The following ATAD2B variants were observed in gnomAD, a reference collection of about 807,000 sequenced individuals.
The protein encoded by ATAD2B is ATPase family AAA domain-containing protein 2B.
A neutral mutation model predicts 167.6 loss-of-function variants in ATAD2B; 40 were observed. That is an observed-to-expected ratio of 0.24 (90% confidence interval 0.19 to 0.31). The LOEUF (loss-of-function observed/expected upper bound fraction) is 0.31. Among genes scored for constraint, ATAD2B ranks in the 10% least tolerant of loss-of-function variants. The pLI, the probability that ATAD2B is intolerant of heterozygous loss-of-function variation, is 1.00. For synonymous variants in ATAD2B, 579 were observed against 596.5 expected (o/e 0.97, Z 0.43); for missense variants, 1,242 against 1,757.2 (o/e 0.71, Z 5.24).
the ATAD2B span, chr2:23,707,235 G>T: frequency 6.6e-6 from 1 of 152,252 alleles, no homozygotes; most frequent in African/African-American, 2.4e-5. Context: ...CGGAGCCAGG[G>T]GTGGCAGCTG....
the ATAD2B span, chr2:23,706,751 G>A: frequency 4.2e-6 from 4 of 946,640 alleles, no homozygotes; most frequent in Non-Finnish European, 6.0e-6. Context: ...ACACCAACAA[G>A]AGGCCAACAA....
At chr2:23,701,198 A>G in the ATAD2B span, among the ~76,000 whole-genome samples, 2 of 10,784 alleles carry the variant, frequency 1.9e-4, no homozygotes, top group African/African-American at 2.6e-4. Flanking sequence ...AACTATCTCA[A>G]TGAGCAAACA....
At chr2:23,777,348 A>ATGTATC (rs1553380256) in intron 22 of ATAD2B, among the ~76,000 whole-genome samples, 2 of 146,334 alleles carry the variant, frequency 1.4e-5, no homozygotes, top group Admixed American at 6.9e-5. Context: ...CATAATACTG[A>ATGTATC]TATATCTATA....
At chr2:23,881,912 G>A (rs151069818) in intron 6 of ATAD2B, among the ~76,000 whole-genome samples, 138 of 151,564 alleles carry the variant, frequency 9.1e-4, no homozygotes, top group African/African-American at 3.2e-3. Flanking sequence ...CAGTAGAGAC[G>A]GGGTTTCACC....
At chr2:23,818,096 TACAC>T (rs70941591) in intron 17 of ATAD2B, among the ~76,000 whole-genome samples, 46,811 of 139,300 alleles carry the variant, frequency 0.34, 9,141 homozygotes, top group African/African-American at 0.42. Context: ...ACACACACAT[TACAC>T]ACACACACAC....
At chr2:23,763,935 C>G (rs978839320) in intron 23 of ATAD2B, among the ~76,000 whole-genome samples, 2 of 152,162 alleles carry the variant, frequency 1.3e-5, no homozygotes, top group Admixed American at 6.5e-5. Context: ...TGTAACAGTA[C>G]TTTGTTCCCT....
intron 19 of ATAD2B, among the ~76,000 whole-genome samples, chr2:23,795,279 C>T (rs561809348): frequency 6.6e-6 from 1 of 152,046 alleles, no homozygotes; most frequent in Non-Finnish European, 1.5e-5. Flanking sequence ...GATTTATTAC[C>T]TGCATTTTTT....
At chr2:23,865,660 G>A (rs1351926301) in intron 10 of ATAD2B, among the ~76,000 whole-genome samples, 1 of 152,070 alleles carries the variant, frequency 6.6e-6, no homozygotes, top group African/African-American at 2.4e-5. Context: ...AAAAATCTTA[G>A]CTATTTACAA....
intron 19 of ATAD2B, among the ~76,000 whole-genome samples, chr2:23,796,626 C>T (rs1032508002): frequency 2.0e-5 from 3 of 152,122 alleles, no homozygotes; most frequent in African/African-American, 7.2e-5. Flanking sequence ...TCTTCTCTTT[C>T]TTTTTATAAA....
At chr2:23,890,188 CT>C (rs1699278612) in intron 2 of ATAD2B, among the ~76,000 whole-genome samples, 2 of 152,168 alleles carry the variant, frequency 1.3e-5, no homozygotes, top group South Asian at 4.1e-4. Context: ...GCACTCCAGC[CT>C]GGGTGACAGA....
At chr2:23,681,960 C>G in the ATAD2B span, among the ~76,000 whole-genome samples, 1 of 152,106 alleles carries the variant, frequency 6.6e-6, no homozygotes, top group East Asian at 1.9e-4. The surrounding 1 kb of genome is among the most constrained non-coding windows in gnomAD (Gnocchi z 4.2). Context: ...GGGCTCTCTA[C>G]CTTGTCTCTA....
the ATAD2B span, among the ~76,000 whole-genome samples, chr2:23,681,467 G>A: frequency 2.0e-5 from 3 of 152,176 alleles, no homozygotes; most frequent in Non-Finnish European, 4.4e-5. The surrounding 1 kb of genome is among the most constrained non-coding windows in gnomAD (Gnocchi z 4.2). Flanking sequence ...GATTTGAAAG[G>A]AAGGTCTTCA....
chr2:23,864,374 C>G (rs1050691522), intron 11 of ATAD2B, among the ~76,000 whole-genome samples: 2 of 152,134 alleles, frequency 1.3e-5, no homozygotes, highest in African/African-American at 4.8e-5. Flanking sequence ...CCCCAGCTAT[C>G]CACCTCATGA....
At chr2:23,783,084 A>G in intron 21 of ATAD2B, 56 bp from the exon 22 acceptor site, 1 of 885,888 alleles carries the variant, frequency 1.1e-6, no homozygotes, top group Non-Finnish European at 1.6e-6. Context: ...ATCTCAGTTC[A>G]TAAAAACACA....
Position 23,754,660 on chromosome 2 carries a change from C to T in ATAD2B, c.4193G>A (p.Arg1398His), listed in dbSNP as rs1008347388. ...AGCTAAGCTTACCTTCAATCTCTCA[C>T]GATCAACTATAAGAGGAGGCACAGG... ...SEPVPPLIVDRERLKKLLDLL... is the reference protein window; with the variant it reads ...SEPVPPLIVDHERLKKLLDLL... The change falls in exon 26 of 28, where the codon CGT becomes CAT. Residue 1398 changes from arginine to histidine, a missense_variant. Arg to His is a conservative substitution (Grantham distance 29). Transcript: ENST00000238789. The T allele has an allele frequency of 5.6e-6, 9 of 1,611,952 alleles. No individual in the cohort carries two copies. The highest frequency in any genetic ancestry group is 4.4e-5 in the South Asian group (4 of 90,766).
At chr2:23,857,305 A>C (rs1011555201) in intron 13 of ATAD2B, 110 bp downstream of exon 13, 1 of 591,214 alleles carries the variant, frequency 1.7e-6, no homozygotes, top group South Asian at 2.4e-5. Context: ...ACAGACACAG[A>C]TTGTTTTAAA....
downstream of ATAD2B, among the ~76,000 whole-genome samples, chr2:23,747,061 A>C (rs1036186380): frequency 6.6e-6 from 1 of 152,132 alleles, no homozygotes; most frequent in African/African-American, 2.4e-5. Flanking sequence ...GAATGAAAAA[A>C]TGATTAAGGT....
At chr2:23,896,290 A>G (rs1573320739) in intron 1 of ATAD2B, among the ~76,000 whole-genome samples, 1 of 151,476 alleles carries the variant, frequency 6.6e-6, no homozygotes, top group Non-Finnish European at 1.5e-5. Flanking sequence ...ATGCCAGTGC[A>G]CTCCAGCCTG....
At position 23,828,856 on chromosome 2, in the gene ATAD2B, T is replaced by C; in HGVS notation, c.1812A>G (p.Lys604=). The C allele has an allele frequency of 6.2e-7, 1 of 1,603,366 alleles. No individual in the cohort carries two copies. Residue 604 remains lysine (K), a synonymous_variant, in exon 15 of 28, where the codon AAA becomes AAG. Transcript: ENST00000238789. ...TCAAACAGTAACACTCACCAACACA[T>C]TTTTCAGCCAATTCACCTAAAAATG... The part of the protein sequence containing the change: ...SDAFLGELAE[K]CVGYCGADIK...
Sources: gnomAD v4.1 joint callset for allele counts (sites outside exome capture counted in the v4.1 genomes callset) on GRCh38, gnomAD v4.1.1 for gene constraint, Gnocchi (gnomAD v3.1) non-coding constraint, MANE v1.5 for transcripts, NCBI Gene and HGNC (gene_info 2026-07-23, HGNC 2026-07-21) for gene names.